Variants in CDH18 observed in about 807,000 individuals in gnomAD.
The protein encoded by CDH18 is cadherin-18.
In CDH18, 31 loss-of-function variants were observed where a neutral mutation model predicts 67.9. That is an observed-to-expected ratio of 0.46 (90% confidence interval 0.34 to 0.62). The LOEUF (loss-of-function observed/expected upper bound fraction) is 0.62. Among genes scored for constraint, CDH18 ranks in the 20% least tolerant of loss-of-function variants. The probability of loss-of-function intolerance (pLI) is 0.01; values close to 1 mark genes in which losing one functional copy is unlikely to be tolerated. For missense variants in CDH18, 890 were observed against 975.5 expected (o/e 0.91, Z 1.17); for synonymous variants, 362 against 347.2 (o/e 1.04, Z -0.48).
At chr5:19,615,688 T>A (rs1749706375) in intron 5 of CDH18, among the ~76,000 whole-genome samples, 1 of 152,132 alleles carries the variant, frequency 6.6e-6, no homozygotes, top group African/African-American at 2.4e-5. Context: ...AATTGTCTCT[T>A]CTCTATCCCT....
chr5:20,468,833 C>T (rs1006202015), intron 1 of CDH18, among the ~76,000 whole-genome samples: 2 of 152,090 alleles, frequency 1.3e-5, no homozygotes, highest in Admixed American at 6.6e-5. Flanking sequence ...TAGAGTAAAA[C>T]TGGAAAGTGG....
At chr5:20,352,425 C>A (rs941566379) in intron 1 of CDH18, among the ~76,000 whole-genome samples, 1 of 151,852 alleles carries the variant, frequency 6.6e-6, no homozygotes, top group Non-Finnish European at 1.5e-5. Flanking sequence ...CACCCCAAAT[C>A]TTGGTTGTTG....
At chr5:20,123,645 T>C (rs1748562916) in intron 2 of CDH18, among the ~76,000 whole-genome samples, 1 of 152,114 alleles carries the variant, frequency 6.6e-6, no homozygotes, top group African/African-American at 2.4e-5. Flanking sequence ...CCCAGCACTT[T>C]GGGACGCCGA....
At chr5:19,767,257 A>C (rs1773212935) in intron 3 of CDH18, among the ~76,000 whole-genome samples, 1 of 152,068 alleles carries the variant, frequency 6.6e-6, no homozygotes, top group Non-Finnish European at 1.5e-5. Context: ...ATAACATTAT[A>C]AGCTGGGTTT....
chr5:19,751,849 G>A (rs1770888227), intron 3 of CDH18, among the ~76,000 whole-genome samples: 1 of 152,154 alleles, frequency 6.6e-6, no homozygotes, highest in African/African-American at 2.4e-5. Flanking sequence ...CTGGATTGCA[G>A]CTATAACTCA....
At position 19,746,947 on chromosome 5, in the gene CDH18, T is replaced by A; in HGVS notation, c.518A>T (p.Asp173Val). 6.2e-7 allele frequency: 1 copy of A among 1,611,340 alleles called. No homozygotes were observed. The highest frequency in any genetic ancestry group is 8.5e-7 in the Non-Finnish European group (1 of 1,177,566). Residue 173 changes from aspartate (D) to valine (V), a missense_variant, in exon 4 of 13, where the codon GAT becomes GTT. Transcript: ENST00000382275. ...ACAAAAATGATTTTTCTTACCCATA[T>A]CTGACATTTCAGGCACAGTAACAAT... ...PYIVTVPEMS[D>V]MGTSVLQVTA...
At chr5:20,293,556 G>A (rs899851423) in intron 1 of CDH18, among the ~76,000 whole-genome samples, 5 of 152,012 alleles carry the variant, frequency 3.3e-5, no homozygotes, top group Non-Finnish European at 5.9e-5. Flanking sequence ...CTTTATTTGG[G>A]GTATTTAGAA....
At chr5:19,968,288 T>G (rs1362458463) in intron 2 of CDH18, among the ~76,000 whole-genome samples, 10 of 152,068 alleles carry the variant, frequency 6.6e-5, no homozygotes, top group Non-Finnish European at 4.4e-5. Context: ...ATAGATTCAA[T>G]GCCATCCCCA....
At position 20,492,848 on chromosome 5, in the gene CDH18, A is replaced by C. The variant is rs571100542; in HGVS notation, c.-580+82614T>G. On this transcript the variant is annotated intron_variant, in intron 1 of 14. Transcript: ENST00000507958. Reference sequence around the variant, plus strand: ...TTGATAACACACACATGCCTTGATGAATCGCTGCACTCATTGCTTAGCATA... The same window carrying C: ...TTGATAACACACACATGCCTTGATGCATCGCTGCACTCATTGCTTAGCATA... Among the ~76,000 whole-genome samples, 15 of 152,326 alleles carry C rather than the reference A, an allele frequency of 9.8e-5. 1 individual carries two copies. In the South Asian group the frequency reaches 3.1e-3, roughly 32 times the overall value.
intron 4 of CDH18, among the ~76,000 whole-genome samples, chr5:19,726,213 A>C (rs1393711173): frequency 6.6e-6 from 1 of 152,218 alleles, no homozygotes; most frequent in East Asian, 1.9e-4. Flanking sequence ...AAAAGGAAGA[A>C]GGGTAGCATG....
At chr5:20,216,860 G>T (rs1265975024) in intron 2 of CDH18, among the ~76,000 whole-genome samples, 1 of 151,834 alleles carries the variant, frequency 6.6e-6, no homozygotes, top group Non-Finnish European at 1.5e-5. Context: ...ACAAAGGAAG[G>T]ATCTTAAAAG....
At chr5:19,561,404 G>A (rs143929449) in intron 8 of CDH18, among the ~76,000 whole-genome samples, 1,696 of 152,102 alleles carry the variant, frequency 0.011, 20 homozygotes, top group Non-Finnish European at 0.016. Flanking sequence ...TCAATAACTC[G>A]GGAATGGAAA....
intron 1 of CDH18, among the ~76,000 whole-genome samples, chr5:20,574,848 T>A (rs1006497842): frequency 6.6e-6 from 1 of 152,132 alleles, no homozygotes; most frequent in Non-Finnish European, 1.5e-5. Context: ...AGAGTCACAT[T>A]TCTTTGCCTT....
chr5:19,860,627 T>C (rs573095084), intron 2 of CDH18, among the ~76,000 whole-genome samples: 1 of 152,050 alleles, frequency 6.6e-6, no homozygotes, highest in South Asian at 2.1e-4. Flanking sequence ...AATTTTTAAG[T>C]TGAAAGTTTT....
chr5:19,996,173 A>G (rs1736003476), intron 2 of CDH18, among the ~76,000 whole-genome samples: 1 of 152,170 alleles, frequency 6.6e-6, no homozygotes, highest in Non-Finnish European at 1.5e-5. Flanking sequence ...AAGTATAGTA[A>G]TATATAGTAA....
intron 2 of CDH18, among the ~76,000 whole-genome samples, chr5:19,944,542 T>C (rs1455859481): frequency 6.6e-6 from 1 of 152,194 alleles, no homozygotes; most frequent in African/African-American, 2.4e-5. Context: ...GAGAAATGCA[T>C]TGTACTTTAT....
At chr5:19,727,699 C>A (rs1561162161) in intron 4 of CDH18, among the ~76,000 whole-genome samples, 2 of 141,534 alleles carry the variant, frequency 1.4e-5, no homozygotes, top group Admixed American at 1.5e-4. Flanking sequence ...TTAATCTGGG[C>A]AAAACTATGA....
intron 2 of CDH18, among the ~76,000 whole-genome samples, chr5:20,154,929 C>A (rs1751408453): frequency 6.6e-6 from 1 of 152,118 alleles, no homozygotes; most frequent in African/African-American, 2.4e-5. Flanking sequence ...GAAGACACTG[C>A]ATTTTTTGTT....
chr5:19,708,370 C>A (rs568094545), intron 5 of CDH18, among the ~76,000 whole-genome samples: 1 of 152,082 alleles, frequency 6.6e-6, no homozygotes, highest in Non-Finnish European at 1.5e-5. Context: ...TCTTTATATA[C>A]TCTGCAGATG....
Sources: gnomAD v4.1 joint callset for allele counts (sites outside exome capture counted in the v4.1 genomes callset) on GRCh38, gnomAD v4.1.1 for gene constraint, MANE v1.5 for transcripts, NCBI Gene and HGNC (gene_info 2026-07-23, HGNC 2026-07-21) for gene names.